Variants in MTMR6 observed in about 807,000 individuals in gnomAD.
MTMR6 encodes the protein myotubularin related protein 6.
A neutral mutation model predicts 80.1 loss-of-function variants in MTMR6; 47 were observed. That is an observed-to-expected ratio of 0.59 (90% CI 0.46 to 0.75). The LOEUF is 0.75. Among genes scored for constraint, MTMR6 ranks in the 30% least tolerant of loss-of-function variants. MTMR6 has a pLI of 0.00. For missense variants in MTMR6, 629 were observed against 730.9 expected, an observed-to-expected ratio of 0.86 and a Z score of 1.61; for synonymous variants, 254 against 253.0, an observed-to-expected ratio of 1.00 and a Z score of -0.04.
Position 25,261,698 on chromosome 13 carries a change from G to A in MTMR6, c.696C>T (p.Arg232=). The change falls in exon 6 of 14, where the codon CGC becomes CGT. Residue 232 remains arginine, a synonymous_variant. Coordinates refer to ENST00000381801, the MANE Select transcript of MTMR6 (RefSeq NM_004685.5). ...GCCTGGTATCCATGACGTACATATA[G>A]CGATTGACTGGATTGGCTTTACTAA... ...QAISKANPVN[R]YMYVMDTRPK... 6.2e-7 allele frequency: 1 copy of A among 1,613,410 alleles called. No homozygotes were observed. The highest frequency in any genetic ancestry group is 1.3e-5 in the African/African-American group (1 of 75,004).
Position 25,251,831 on chromosome 13 carries a change from T to C in MTMR6, c.1478+22A>G. On this transcript the variant is annotated intron_variant, in intron 12 of 13. Transcript: ENST00000381801. The surrounding 1 kb of genome is among the most constrained non-coding windows in gnomAD (Gnocchi z 4.1). Reference sequence around the variant, plus strand: ...GTGTTTGAGAAAATTCAAGTATAAATACTCCAATGATGTCAACTTACTTAA... The same window carrying C: ...GTGTTTGAGAAAATTCAAGTATAAACACTCCAATGATGTCAACTTACTTAA... 2 of 1,603,038 alleles carry C rather than the reference T, an allele frequency of 1.2e-6. No individual in the cohort carries two copies. The highest frequency in any genetic ancestry group is 1.3e-5 in the African/African-American group (1 of 74,138).
chr13:25,250,418 A>G (rs545016748), intron 13 of MTMR6, among the ~76,000 whole-genome samples: 29 of 152,340 alleles, frequency 1.9e-4, no homozygotes, highest in African/African-American at 6.7e-4. Flanking sequence ...TTTGTAATAT[A>G]TATAACTAAC....
Position 25,257,854 on chromosome 13 carries a change from G to C in MTMR6, c.860-9C>G, listed in dbSNP as rs1366575489. ...CCCTTTAGTGCCATTGACTGAAAGA[G>C]GTATAAAAATATTTCAATTAGAATA... On this transcript the variant is annotated splice_polypyrimidine_tract_variant and intron_variant, in intron 7 of 13. Coordinates refer to ENST00000381801, the MANE Select transcript of MTMR6 (RefSeq NM_004685.5). The C allele has an allele frequency of 2.5e-6, 4 of 1,585,446 alleles. No homozygotes were observed. The highest frequency in any genetic ancestry group is 3.5e-6 in the Non-Finnish European group (4 of 1,158,456).
chr13:25,249,390 A>T lies in MTMR6; in HGVS notation c.1708T>A (p.Phe570Ile). 1 of 1,614,124 alleles carries T rather than the reference A, an allele frequency of 6.2e-7. No individual in the cohort carries two copies. Residue 570 changes from phenylalanine (F) to isoleucine (I), a missense_variant, in exon 14 of 14, where the codon TTT (phenylalanine) becomes ATT (isoleucine). Physicochemically the swap from Phe to Ile is conservative, Grantham distance 21. Coordinates refer to ENST00000381801, the MANE Select transcript of MTMR6 (RefSeq NM_004685.5). ...ESPNLKTSLC[F>I]KEQTLLPVND... ...ACGGGTAGCAGAGTCTGCTCTTTAA[A>T]ACACAGGGAAGTTTTGAGGTTAGGT... is the stretch of plus-strand genomic sequence containing the variant.
At chr13:25,258,813 C>A in intron 6 of MTMR6, 121 bp from the exon 7 acceptor site, 1 of 717,582 alleles carries the variant, frequency 1.4e-6, no homozygotes, top group Non-Finnish European at 2.1e-6. Context: ...CTCATCAAAA[C>A]TGAATAAGCT....
intron 1 of MTMR6, among the ~76,000 whole-genome samples, chr13:25,274,963 C>G (rs868164013): frequency 1.1e-4 from 12 of 111,014 alleles, no homozygotes; most frequent in African/African-American, 4.1e-4. Context: ...CACACACATA[C>G]ACACACACAC....
At chr13:25,279,992 G>T (rs772398525) in intron 1 of MTMR6, among the ~76,000 whole-genome samples, 1 of 152,158 alleles carries the variant, frequency 6.6e-6, no homozygotes, top group African/African-American at 2.4e-5. Flanking sequence ...AGGGCAACCA[G>T]GTAAGAAGCT....
intron 6 of MTMR6, among the ~76,000 whole-genome samples, chr13:25,260,160 G>C (rs1443251241): frequency 6.6e-6 from 1 of 150,422 alleles, no homozygotes; most frequent in Non-Finnish European, 1.5e-5. Flanking sequence ...ACCATGTCCA[G>C]CCAGATAATT....
At chr13:25,257,387 TCA>T in intron 8 of MTMR6, 66 bp from the exon 9 acceptor site, 1 of 1,566,340 alleles carries the variant, frequency 6.4e-7, no homozygotes. Flanking sequence ...TACTTGAAAA[TCA>T]TACTAGCAGG....
At chr13:25,258,447 A>T in intron 7 of MTMR6, 113 bp downstream of exon 7, 2 of 814,926 alleles carry the variant, frequency 2.5e-6, no homozygotes, top group South Asian at 2.2e-5. Flanking sequence ...AATTAATTTC[A>T]CTTGTTTCTT....
At chr13:25,259,535 CT>C (rs1380292791) in intron 6 of MTMR6, among the ~76,000 whole-genome samples, 1 of 152,166 alleles carries the variant, frequency 6.6e-6, no homozygotes, top group African/African-American at 2.4e-5. Flanking sequence ...TACTGACTCA[CT>C]AGTTATTCGG....
chr13:25,269,822 C>T (rs975718454), intron 2 of MTMR6, among the ~76,000 whole-genome samples: 10 of 152,022 alleles, frequency 6.6e-5, no homozygotes, highest in Admixed American at 1.3e-4. Flanking sequence ...ATAATTAACA[C>T]ACACACACAC....
At chr13:25,274,933 T>TAGAC (rs57011943) in intron 1 of MTMR6, among the ~76,000 whole-genome samples, 88,914 of 120,378 alleles carry the variant, frequency 0.74, 35,139 homozygotes, top group Non-Finnish European at 0.87. Flanking sequence ...TGAATACTAG[T>TAGAC]AGACAGACAC....
At chr13:25,263,315 C>A (rs1258580863) in intron 5 of MTMR6, among the ~76,000 whole-genome samples, 1 of 152,190 alleles carries the variant, frequency 6.6e-6, no homozygotes, top group Non-Finnish European at 1.5e-5. Context: ...AATGCCTGTA[C>A]GAGAACTAGC....
At chr13:25,275,756 G>GA (rs1957706884) in intron 1 of MTMR6, among the ~76,000 whole-genome samples, 1 of 151,612 alleles carries the variant, frequency 6.6e-6, no homozygotes, top group African/African-American at 2.4e-5. Flanking sequence ...AGCTACTCGG[G>GA]AGGCTGAGGC....
At position 25,287,333 on chromosome 13, in the gene MTMR6, C is replaced by A; in HGVS notation, c.-86G>T. The A allele has an allele frequency of 4.0e-6, 6 of 1,507,952 alleles. No homozygotes were observed. The highest frequency in any genetic ancestry group is 5.4e-6 in the Non-Finnish European group (6 of 1,118,276). 93.4% of individuals were successfully genotyped at this position (1,507,952 alleles called of 1,614,324 possible). A position where few individuals can be genotyped will look rare whatever the true frequency, so the allele number is the denominator to read the frequency against. On this transcript the variant is annotated 5_prime_UTR_variant, in exon 1 of 14. Transcript: ENST00000381801. ...GGCGGTGACAGCGACAGAGAGCAAG[C>A]GGGAACTCCCTCCACCAGCCAGCGC...
chr13:25,250,832 C>T (rs1010602274), intron 13 of MTMR6, among the ~76,000 whole-genome samples: 2 of 152,036 alleles, frequency 1.3e-5, no homozygotes, highest in Non-Finnish European at 2.9e-5. Flanking sequence ...GTATATTGGC[C>T]TATACATTGT....
intron 2 of MTMR6, among the ~76,000 whole-genome samples, chr13:25,273,381 C>T (rs1045044326): frequency 2.0e-5 from 3 of 151,968 alleles, no homozygotes; most frequent in Non-Finnish European, 2.9e-5. Context: ...TGTATATGTA[C>T]ATTGCAACAT....
At chr13:25,266,354 T>C in intron 3 of MTMR6, 68 bp from the exon 4 acceptor site, 2 of 1,334,600 alleles carry the variant, frequency 1.5e-6, no homozygotes, top group African/African-American at 1.5e-5. Flanking sequence ...ATAAATGTAA[T>C]TTTTCAGTTT....
Sources: gnomAD v4.1 joint callset for allele counts (sites outside exome capture counted in the v4.1 genomes callset) on GRCh38, gnomAD v4.1.1 for gene constraint, Gnocchi (gnomAD v3.1) non-coding constraint, MANE v1.5 for transcripts, NCBI Gene and HGNC (gene_info 2026-07-23, HGNC 2026-07-21) for gene names.